The following SLC44A1 variants were observed in gnomAD, a reference collection of about 807,000 sequenced individuals.
SLC44A1 encodes the protein choline transporter-like protein 1.
SLC44A1 carries 26 observed loss-of-function variants against 79.3 expected under a neutral mutation model. The observed-to-expected ratio is 0.33, with a 90% CI of 0.24 to 0.46. The LOEUF (loss-of-function observed/expected upper bound fraction) is 0.46, where lower values mean the gene tolerates loss of function less well. Ranked by LOEUF, SLC44A1 falls within the 20% of genes least tolerant of loss-of-function variation. The pLI, the probability that SLC44A1 is intolerant of heterozygous loss-of-function variation, is 1.00. For synonymous variants in SLC44A1, 263 were observed against 286.2 expected, an observed-to-expected ratio of 0.92 and a Z score of 0.82; for missense variants, 688 against 798.1, an observed-to-expected ratio of 0.86 and a Z score of 1.66.
intron 12 of SLC44A1, among the ~76,000 whole-genome samples, chr9:105,366,989 ATAT>A (rs1031534870): frequency 6.6e-6 from 1 of 152,014 alleles, no homozygotes; most frequent in Non-Finnish European, 1.5e-5. Context: ...GGCCTGGGAA[ATAT>A]TATCAAAGGA....
At chr9:105,250,660 A>G (rs1829562462) in intron 1 of SLC44A1, among the ~76,000 whole-genome samples, 1 of 152,220 alleles carries the variant, frequency 6.6e-6, no homozygotes, top group African/African-American at 2.4e-5. Context: ...GGTAGCTGGG[A>G]TTAGAAACCT....
intron 3 of SLC44A1, among the ~76,000 whole-genome samples, chr9:105,330,185 G>T (rs957006112): frequency 2.0e-5 from 3 of 152,152 alleles, no homozygotes; most frequent in Admixed American, 1.3e-4. Context: ...TACAGGTAGG[G>T]CTTTGTCTGT....
chr9:105,402,388 C>T (rs1187501686), intron 15 of SLC44A1, among the ~76,000 whole-genome samples: 4 of 152,102 alleles, frequency 2.6e-5, no homozygotes, highest in African/African-American at 4.8e-5. Flanking sequence ...ATCATGAAGG[C>T]CTATACTCAG....
chr9:105,385,668 G>T, intron 15 of SLC44A1, 166 bp downstream of exon 15: 1 of 985,420 alleles, frequency 1.0e-6, no homozygotes, highest in Non-Finnish European at 1.2e-6. Flanking sequence ...TTGGATGGCA[G>T]AATTCTTGTC....
intron 1 of SLC44A1, among the ~76,000 whole-genome samples, chr9:105,265,720 A>G (rs1415832282): frequency 2.0e-5 from 3 of 152,220 alleles, no homozygotes; most frequent in Non-Finnish European, 4.4e-5. Flanking sequence ...ACCATTGTGC[A>G]TTCCCATGAG....
chr9:105,291,013 A>G (rs1041504910), intron 1 of SLC44A1, among the ~76,000 whole-genome samples: 2 of 152,176 alleles, frequency 1.3e-5, no homozygotes, highest in Non-Finnish European at 2.9e-5. Flanking sequence ...TGCACTCCAG[A>G]TCCTTGACAG....
chr9:105,285,023 G>A (rs1830442442), intron 1 of SLC44A1, among the ~76,000 whole-genome samples: 1 of 152,110 alleles, frequency 6.6e-6, no homozygotes, highest in South Asian at 2.1e-4. Context: ...TGGGCTTTGT[G>A]CCTGGTTTCT....
Position 105,393,373 on chromosome 9 carries a change from T to G in SLC44A1, c.*4317T>G, listed in dbSNP as rs2131487437. On this transcript the variant is annotated 3_prime_UTR_variant, in exon 16 of 16. Coordinates refer to ENST00000374720, the MANE Select transcript of SLC44A1 (RefSeq NM_080546.5). ...GACCCTTGAATATGCCAAGAGAAAATCTAAAGCTAGCAAACTTAAAAAACA... is the reference window on the plus strand; with the variant it reads ...GACCCTTGAATATGCCAAGAGAAAAGCTAAAGCTAGCAAACTTAAAAAACA... The G allele has an allele frequency of 1.0e-6, 1 of 985,154 alleles. No individual in the cohort carries two copies. Among genetic ancestry groups the G allele is most frequent in the Admixed American group, 6.1e-5 (1 of 16,272 alleles). The allele number at this position is 985,154 out of a possible 1,614,324, so 61.0% of individuals were successfully genotyped here.
chr9:105,430,762 G>A (rs192679903), intron 15 of SLC44A1, among the ~76,000 whole-genome samples: 229 of 152,224 alleles, frequency 1.5e-3, no homozygotes, highest in African/African-American at 4.7e-3. Flanking sequence ...GCGGACATAC[G>A]TTTTCAATTT....
At chr9:105,291,255 C>T (rs920342382) in intron 1 of SLC44A1, among the ~76,000 whole-genome samples, 15 of 152,152 alleles carry the variant, frequency 9.9e-5, no homozygotes, top group Admixed American at 2.6e-4. Flanking sequence ...GCAGTATGTC[C>T]TTGGAGGGAG....
At chr9:105,267,129 C>T (rs1829980255) in intron 1 of SLC44A1, among the ~76,000 whole-genome samples, 1 of 152,178 alleles carries the variant, frequency 6.6e-6, no homozygotes, top group Non-Finnish European at 1.5e-5. Flanking sequence ...TTTTATGTCA[C>T]ATATGTAATA....
At chr9:105,284,465 G>C (rs922189772) in intron 1 of SLC44A1, among the ~76,000 whole-genome samples, 1 of 151,962 alleles carries the variant, frequency 6.6e-6, no homozygotes, top group Admixed American at 6.6e-5. Context: ...TTCTAATTCA[G>C]ATCTATTTTA....
At chr9:105,320,633 T>G (rs1826363258) in intron 3 of SLC44A1, among the ~76,000 whole-genome samples, 1 of 152,060 alleles carries the variant, frequency 6.6e-6, no homozygotes, top group South Asian at 2.1e-4. Flanking sequence ...TGGAGTGCCA[T>G]GGCTATTTAT....
downstream of SLC44A1, among the ~76,000 whole-genome samples, chr9:105,401,855 T>C (rs1828962466): frequency 6.6e-6 from 1 of 152,162 alleles, no homozygotes; most frequent in African/African-American, 2.4e-5. Context: ...CTCCCTGATC[T>C]TAAGTAGCTC....
At chr9:105,337,711 G>A (rs970088263) in intron 4 of SLC44A1, among the ~76,000 whole-genome samples, 11 of 152,214 alleles carry the variant, frequency 7.2e-5, no homozygotes, top group African/African-American at 2.7e-4. Flanking sequence ...CCCACTGGAT[G>A]TGAGTCTTGG....
At chr9:105,358,631 C>CT (rs1827692354) in intron 7 of SLC44A1, among the ~76,000 whole-genome samples, 198 bp downstream of exon 7, 2 of 152,108 alleles carry the variant, frequency 1.3e-5, no homozygotes, top group South Asian at 4.1e-4. Flanking sequence ...AAGTTGAGAC[C>CT]TTTTTTCTAT....
At chr9:105,272,182 A>G (rs938430001) in intron 1 of SLC44A1, among the ~76,000 whole-genome samples, 9 of 152,220 alleles carry the variant, frequency 5.9e-5, no homozygotes, top group Non-Finnish European at 1.3e-4. Flanking sequence ...TTTCTACTGA[A>G]TTAATCAAAA....
At chr9:105,370,442 A>G (rs1828061956) in intron 12 of SLC44A1, among the ~76,000 whole-genome samples, 2 of 152,206 alleles carry the variant, frequency 1.3e-5, no homozygotes, top group Non-Finnish European at 2.9e-5. Context: ...AAAAGGCTAA[A>G]TTTCTGGACA....
chr9:105,349,939 G>A (rs1827354222), intron 5 of SLC44A1, among the ~76,000 whole-genome samples: 1 of 152,118 alleles, frequency 6.6e-6, no homozygotes, highest in African/African-American at 2.4e-5. Context: ...AGGACTGCCT[G>A]TTCCTGGTTA....
Sources: allele counts gnomAD v4.1 joint callset (sites outside exome capture counted in the v4.1 genomes callset), GRCh38; gene constraint gnomAD v4.1.1; transcripts MANE v1.5; gene names NCBI Gene and HGNC (gene_info 2026-07-23, HGNC 2026-07-21).